The following IL1RAP variants were observed in gnomAD, a reference collection of about 807,000 sequenced individuals.
The protein encoded by IL1RAP is interleukin-1 receptor accessory protein.
A neutral mutation model predicts 60.7 loss-of-function variants in IL1RAP; 35 were observed. The observed-to-expected ratio is 0.58, with a 90% CI of 0.44 to 0.76. The LOEUF is 0.76. IL1RAP is among the 30% of genes least tolerant of loss of function. IL1RAP has a pLI of 0.00. For synonymous variants in IL1RAP, 268 were observed against 250.9 expected (o/e 1.07, Z -0.64); for missense variants, 572 against 693.9 (o/e 0.82, Z 1.97).
At chr3:190,589,916 G>T (rs747538407) in intron 3 of IL1RAP, among the ~76,000 whole-genome samples, 8 of 152,162 alleles carry the variant, frequency 5.3e-5, no homozygotes, top group Non-Finnish European at 1.0e-4. Context: ...ACTGCCTTCT[G>T]CATTTTACCA....
chr3:190,643,014 T>G (rs1176560515), intron 9 of IL1RAP, among the ~76,000 whole-genome samples: 2 of 152,164 alleles, frequency 1.3e-5, no homozygotes, highest in Non-Finnish European at 2.9e-5. Flanking sequence ...GTGTAAAATC[T>G]TATATGTGGA....
At chr3:190,593,771 T>G (rs1729151125) in intron 3 of IL1RAP, among the ~76,000 whole-genome samples, 1 of 152,154 alleles carries the variant, frequency 6.6e-6, no homozygotes, top group Non-Finnish European at 1.5e-5. Flanking sequence ...TTATGGGAGC[T>G]ACAATTCAAG....
chr3:190,578,626 A>T (rs1484479389), intron 3 of IL1RAP, among the ~76,000 whole-genome samples: 2 of 152,218 alleles, frequency 1.3e-5, no homozygotes, highest in Non-Finnish European at 2.9e-5. Flanking sequence ...ACTTTCCTCC[A>T]TCAGTCTACT....
At chr3:190,611,271 T>G (rs965109147) in intron 5 of IL1RAP, among the ~76,000 whole-genome samples, 2 of 152,180 alleles carry the variant, frequency 1.3e-5, no homozygotes, top group Non-Finnish European at 2.9e-5. Context: ...TACATATTGA[T>G]TCATATTACC....
rs747892067 is a variant in IL1RAP, at chr3:190,644,354, C to T, written c.1158C>T (p.Val386=). The change falls in exon 10 of 12, where the codon GTC becomes GTT. Residue 386 remains valine (V), a synonymous_variant. Transcript: ENST00000447382. ...VVYHVYWLEM[V]LFYRAHFGTD... The stretch of plus-strand genomic sequence containing the variant: ...ACCATGTTTACTGGCTAGAGATGGT[C>T]CTATTTTACCGGGCTCATTTTGGAA... 7 of 1,613,750 alleles carry T rather than the reference C, an allele frequency of 4.3e-6. No homozygotes were observed. The highest frequency in any genetic ancestry group is 5.9e-6 in the Non-Finnish European group (7 of 1,179,906).
At chr3:190,538,537 C>T (rs1723657346) in intron 1 of IL1RAP, among the ~76,000 whole-genome samples, 1 of 152,112 alleles carries the variant, frequency 6.6e-6, no homozygotes, top group African/African-American at 2.4e-5. Flanking sequence ...TGAATAAAAG[C>T]TTGCATTTTC....
At chr3:190,634,722 G>GTT (rs1275475649) in intron 9 of IL1RAP, among the ~76,000 whole-genome samples, 2 of 128,324 alleles carry the variant, frequency 1.6e-5, no homozygotes, top group Non-Finnish European at 3.2e-5. Flanking sequence ...TTTTTTTGTT[G>GTT]TTGTTTTTTT....
intron 3 of IL1RAP, among the ~76,000 whole-genome samples, chr3:190,577,531 C>T (rs1045293126): frequency 4.6e-5 from 7 of 152,276 alleles, no homozygotes; most frequent in African/African-American, 1.7e-4. Context: ...TGTGGAAAAC[C>T]TTTCTGGCAG....
intron 3 of IL1RAP, among the ~76,000 whole-genome samples, chr3:190,574,869 G>T (rs760687651): frequency 5.9e-5 from 9 of 152,116 alleles, no homozygotes; most frequent in Non-Finnish European, 1.0e-4. Flanking sequence ...AAAAGTATGG[G>T]CTGGGGGCAT....
intron 1 of IL1RAP, among the ~76,000 whole-genome samples, chr3:190,544,498 A>T (rs970402458): frequency 6.6e-6 from 1 of 152,116 alleles, no homozygotes; most frequent in Admixed American, 6.6e-5. Flanking sequence ...TTTTTTCCCA[A>T]TTAAAAGTTC....
chr3:190,583,111 A>G (rs1214559251), intron 3 of IL1RAP, among the ~76,000 whole-genome samples: 1 of 152,226 alleles, frequency 6.6e-6, no homozygotes, highest in Non-Finnish European at 1.5e-5. Context: ...TATACGCTGT[A>G]CGTCTTTTTC....
At chr3:190,529,369 C>T (rs112467705) in intron 1 of IL1RAP, among the ~76,000 whole-genome samples, 2,361 of 146,868 alleles carry the variant, frequency 0.016, 56 homozygotes, top group African/African-American at 0.052. Flanking sequence ...GCCTGGCCAA[C>T]GTGGTGAAAC....
intron 3 of IL1RAP, among the ~76,000 whole-genome samples, chr3:190,581,995 AATG>A (rs2108680835): frequency 6.6e-6 from 1 of 152,338 alleles, no homozygotes; most frequent in Admixed American, 6.5e-5. Context: ...AAAAAATAAA[AATG>A]AGGAATAACA....
intron 3 of IL1RAP, among the ~76,000 whole-genome samples, chr3:190,586,673 G>C (rs924513921): frequency 2.6e-5 from 4 of 152,228 alleles, no homozygotes; most frequent in African/African-American, 9.7e-5. Context: ...GAGGAGCTGA[G>C]TCATGCCTGA....
At chr3:190,656,623 G>A (rs1424123611) in exon 12 of IL1RAP, 1 of 1,430,040 alleles carries the variant, frequency 7.0e-7, no homozygotes, top group East Asian at 2.5e-5. Flanking sequence ...GTGTGTGGTG[G>A]GTGGTGGCTA....
chr3:190,652,762 G>GT (rs1318733805), downstream of IL1RAP, among the ~76,000 whole-genome samples: 3 of 152,300 alleles, frequency 2.0e-5, no homozygotes, highest in East Asian at 1.9e-4. Context: ...TTGTATATGA[G>GT]TTTTTTGCAC....
intron 5 of IL1RAP, among the ~76,000 whole-genome samples, chr3:190,613,510 T>G (rs1278786980): frequency 6.6e-6 from 1 of 152,162 alleles, no homozygotes; most frequent in East Asian, 1.9e-4. Context: ...AATGCCATAC[T>G]CTGGAGATAC....
chr3:190,645,118 G>A (rs1215136708), intron 10 of IL1RAP, among the ~76,000 whole-genome samples: 2 of 152,158 alleles, frequency 1.3e-5, no homozygotes, highest in Non-Finnish European at 2.9e-5. Context: ...GAAAAGAATA[G>A]AGCATTTAAA....
intron 5 of IL1RAP, among the ~76,000 whole-genome samples, chr3:190,611,869 A>G (rs1039647111): frequency 2.0e-5 from 3 of 152,178 alleles, no homozygotes; most frequent in African/African-American, 7.2e-5. Flanking sequence ...AGATGCAGAG[A>G]CTGATTTAAG....
Sources: allele counts gnomAD v4.1 joint callset (sites outside exome capture counted in the v4.1 genomes callset), GRCh38; gene constraint gnomAD v4.1.1; transcripts MANE v1.5; gene names NCBI Gene and HGNC (gene_info 2026-07-23, HGNC 2026-07-21).